The following PXDNL variants were observed in gnomAD, a reference collection of about 807,000 sequenced individuals.
The protein encoded by PXDNL is probable oxidoreductase PXDNL.
PXDNL carries 145 observed loss-of-function variants against 150.8 expected under a neutral mutation model. The ratio of observed to expected loss-of-function variants is 0.96; its 90% confidence interval spans 0.84 to 1.10. PXDNL has a LOEUF of 1.10. Among genes scored for constraint, PXDNL ranks in the 50% least tolerant of loss-of-function variants. The pLI, the probability that PXDNL is intolerant of heterozygous loss-of-function variation, is 0.00. For missense variants in PXDNL, 2,087 were observed against 1,873.9 expected, an observed-to-expected ratio of 1.11 and a Z score of -2.10; for synonymous variants, 757 against 725.7, an observed-to-expected ratio of 1.04 and a Z score of -0.69.
intron 1 of PXDNL, among the ~76,000 whole-genome samples, chr8:51,738,664 A>G (rs2130948411): frequency 6.6e-6 from 1 of 152,310 alleles, no homozygotes; most frequent in East Asian, 1.9e-4. Flanking sequence ...AAACAAAAAA[A>G]TCACAAACTA....
chr8:51,795,122 C>T (rs1340843048), intron 1 of PXDNL, among the ~76,000 whole-genome samples: 2 of 152,168 alleles, frequency 1.3e-5, no homozygotes, highest in Non-Finnish European at 2.9e-5. Flanking sequence ...GCACAAAATA[C>T]AGGAGCACCC....
intron 19 of PXDNL, among the ~76,000 whole-genome samples, chr8:51,349,491 C>A (rs969246567): frequency 2.0e-5 from 3 of 152,218 alleles, no homozygotes; most frequent in Non-Finnish European, 4.4e-5. Flanking sequence ...ACTCTCTCAG[C>A]ACTCTCTGGA....
At chr8:51,327,266 A>G (rs1240117593) in intron 21 of PXDNL, among the ~76,000 whole-genome samples, 1 of 152,094 alleles carries the variant, frequency 6.6e-6, no homozygotes, top group Non-Finnish European at 1.5e-5. Flanking sequence ...TGTCTAATTC[A>G]TGGCTTAATC....
chr8:51,714,793 T>A (rs1030535651), intron 1 of PXDNL, among the ~76,000 whole-genome samples: 1 of 152,256 alleles, frequency 6.6e-6, no homozygotes. Flanking sequence ...AGACACCTTT[T>A]TGCTTTGGTA....
At chr8:51,566,944 G>A (rs1364485535) in intron 3 of PXDNL, among the ~76,000 whole-genome samples, 1 of 151,274 alleles carries the variant, frequency 6.6e-6, no homozygotes, top group African/African-American at 2.4e-5. Context: ...TCTAAGGACT[G>A]CTTTAACTGC....
intron 3 of PXDNL, among the ~76,000 whole-genome samples, chr8:51,564,288 C>A (rs1183123306): frequency 5.3e-5 from 8 of 151,862 alleles, no homozygotes; most frequent in Admixed American, 4.6e-4. Flanking sequence ...GAAGAGTCTT[C>A]CACTGGCCAA....
At chr8:51,434,944 C>T (rs1809354822) in intron 12 of PXDNL, among the ~76,000 whole-genome samples, 2 of 152,274 alleles carry the variant, frequency 1.3e-5, no homozygotes, top group East Asian at 1.9e-4. Flanking sequence ...CAAGAAATAA[C>T]AATTAATATA....
intron 1 of PXDNL, among the ~76,000 whole-genome samples, chr8:51,710,360 G>A (rs528809880): frequency 6.6e-6 from 1 of 152,236 alleles, no homozygotes; most frequent in East Asian, 1.9e-4. Context: ...ACTACATGAT[G>A]CTTTGATATA....
chr8:51,408,167 A>G lies in PXDNL; in HGVS notation c.3457T>C (p.Tyr1153His). The G allele has an allele frequency of 6.2e-7, 1 of 1,614,040 alleles. No individual in the cohort carries two copies. The highest frequency in any genetic ancestry group is 8.5e-7 in the Non-Finnish European group (1 of 1,179,886). ...TTACAGAAAACTCTGAAGTCAACAT[A>G]TGGTGGGATCCCGTGGTCTCTACCC... ...QRGRDHGIPP[Y>H]VDFRVFCNLT... is the part of the protein sequence containing the mutation. The change falls in exon 17 of 23, where the codon TAT becomes CAT. Residue 1153 changes from tyrosine (Y) to histidine (H), a missense_variant. Coordinates refer to ENST00000356297, the MANE Select transcript of PXDNL (RefSeq NM_144651.5).
intron 4 of PXDNL, among the ~76,000 whole-genome samples, chr8:51,525,109 T>A (rs1306958481): frequency 6.7e-6 from 1 of 149,160 alleles, no homozygotes; most frequent in Middle Eastern, 3.5e-3. Context: ...AGTTTATGTG[T>A]CACCTTTATT....
At chr8:51,534,095 G>A (rs562298503) in intron 4 of PXDNL, among the ~76,000 whole-genome samples, 1 of 144,200 alleles carries the variant, frequency 6.9e-6, no homozygotes, top group Non-Finnish European at 1.5e-5. Context: ...TCTCTGCCCG[G>A]CCGCCCATGT....
At chr8:51,618,019 C>T (rs1814165517) in intron 2 of PXDNL, among the ~76,000 whole-genome samples, 1 of 152,222 alleles carries the variant, frequency 6.6e-6, no homozygotes, top group South Asian at 2.1e-4. Flanking sequence ...GAAAATCCCA[C>T]CATTTTGAAA....
In PXDNL at chr8:51,408,874, C is replaced by G; in HGVS notation, c.2750G>C (p.Arg917Pro). The G allele has an allele frequency of 6.3e-7, 1 of 1,595,426 alleles. No individual in the cohort carries two copies. Among genetic ancestry groups the G allele is most frequent in the South Asian group, 1.1e-5 (1 of 88,630 alleles). The change falls in exon 17 of 23, where the codon CGG becomes CCG. Residue 917 changes from arginine (R) to proline (P), a missense_variant. Physicochemically the swap from Arg to Pro is moderately radical, Grantham distance 103. Transcript: ENST00000356297. ...AGGAAAGCCTGTCTTCAGGAGACCC[C>G]GAGGCACCGAAGGGTCTCTGAGAGC... The part of the protein sequence containing the change: ...SQALRDPSVP[R>P]GLLKTGFPWP...
intron 1 of PXDNL, among the ~76,000 whole-genome samples, chr8:51,696,264 C>T (rs1816121954): frequency 6.6e-6 from 1 of 152,104 alleles, no homozygotes; most frequent in African/African-American, 2.4e-5. Context: ...TAAGGTTAAT[C>T]GAAGTCATAA....
Position 51,483,678 on chromosome 8 carries a change from A to G in PXDNL, c.489T>C (p.Ala163=), listed in dbSNP as rs1810656512. ...LHNNKLSKIP[A]GSFSNLDSLK... The stretch of plus-strand genomic sequence containing the variant: ...ATGAATCCAGATTAGAAAAGCTCCC[A>G]GCTGGAATTTTAGATAATTTGTTGT... Residue 163 remains alanine (A), a synonymous_variant, in exon 6 of 23, where the codon GCT becomes GCC. Coordinates refer to ENST00000356297, the MANE Select transcript of PXDNL (RefSeq NM_144651.5). 3 of 1,526,968 alleles carry G rather than the reference A, an allele frequency of 2.0e-6. No homozygotes were observed. In the South Asian group the frequency reaches 3.6e-5, roughly 19 times the overall value. 94.6% of individuals were successfully genotyped at this position (1,526,968 alleles called of 1,614,324 possible). A position where few individuals can be genotyped will look rare whatever the true frequency, so the allele number is the denominator to read the frequency against.
chr8:51,672,325 C>G (rs1415963292), intron 1 of PXDNL, among the ~76,000 whole-genome samples: 1 of 152,160 alleles, frequency 6.6e-6, no homozygotes, highest in African/African-American at 2.4e-5. Flanking sequence ...ACTAATGCAG[C>G]AAACATAATA....
At chr8:51,771,980 G>C (rs568206608) in intron 1 of PXDNL, among the ~76,000 whole-genome samples, 1 of 152,142 alleles carries the variant, frequency 6.6e-6, no homozygotes, top group Admixed American at 6.5e-5. Context: ...CCAGAAAAGA[G>C]AGAGTGGGTC....
In PXDNL at chr8:51,319,957, C is replaced by A; in HGVS notation, c.4326G>T (p.Val1442=). The A allele has an allele frequency of 6.3e-7, 1 of 1,581,110 alleles. No individual in the cohort carries two copies. Among genetic ancestry groups the A allele is most frequent in the Non-Finnish European group, 8.6e-7 (1 of 1,164,552 alleles). ...TGCAAACTGGACAGCAGGTTCCTTT[C>A]ACCAATTCAGGACTGGGACAGGGAG... is the stretch of plus-strand genomic sequence containing the variant. The part of the protein sequence containing the change: ...PPAPCPSPEL[V]KGTCCPVCRD... The change falls in exon 23 of 23, where the codon GTG becomes GTT. Residue 1442 remains valine, a synonymous_variant. Coordinates refer to ENST00000356297, the MANE Select transcript of PXDNL (RefSeq NM_144651.5).
chr8:51,350,353 TC>T (rs1806308315), intron 19 of PXDNL, among the ~76,000 whole-genome samples: 1 of 111,978 alleles, frequency 8.9e-6, no homozygotes, highest in Non-Finnish European at 1.8e-5. Context: ...AAATGCAGCT[TC>T]TTTTTTTTTT....
Sources: allele counts gnomAD v4.1 joint callset (sites outside exome capture counted in the v4.1 genomes callset), GRCh38; gene constraint gnomAD v4.1.1; transcripts MANE v1.5; gene names NCBI Gene and HGNC (gene_info 2026-07-23, HGNC 2026-07-21).